Variants in CNNM2 observed in about 807,000 individuals in gnomAD.
The protein encoded by CNNM2 is cyclin and CBS domain divalent metal cation transport mediator 2.
Under a neutral mutation model 66.9 loss-of-function variants are expected in CNNM2, and 12 were observed. The observed-to-expected ratio is 0.18, with a 90% confidence interval of 0.11 to 0.29. The LOEUF (loss-of-function observed/expected upper bound fraction) is 0.29, where lower values mean the gene tolerates loss of function less well. Among genes scored for constraint, CNNM2 ranks in the 10% least tolerant of loss-of-function variants. CNNM2 has a pLI of 1.00. For synonymous variants in CNNM2, 557 were observed against 501.8 expected (o/e 1.11, Z -1.47); for missense variants, 705 against 1,167.7 (o/e 0.60, Z 5.77).
chr10:103,050,536 CAAA>C (rs572731260), intron 2 of CNNM2, among the ~76,000 whole-genome samples: 4 of 100,116 alleles, frequency 4.0e-5, no homozygotes, highest in Admixed American at 9.9e-5. Flanking sequence ...GAGTCCACCT[CAAA>C]AAAAAAAAAA....
Position 103,031,503 on chromosome 10 carries a change from A to T in CNNM2, c.1622-18204A>T, listed in dbSNP as rs528061910. ...GGTACAAGCCCTGCATTGTATTGAG[A>T]CAGGAGTGTGTTCTAACACATCTGG... On this transcript the variant is annotated intron_variant, in intron 1 of 7. Transcript: ENST00000369878. 2.6e-5 allele frequency among the ~76,000 whole-genome samples: 4 copies of T among 152,288 alleles called. No individual in the cohort carries two copies. In the South Asian group the frequency reaches 8.3e-4, roughly 32 times the overall value.
At chr10:102,967,651 C>T (rs2134211315) in intron 1 of CNNM2, among the ~76,000 whole-genome samples, 1 of 152,332 alleles carries the variant, frequency 6.6e-6, no homozygotes, top group East Asian at 1.9e-4. Flanking sequence ...GGATATACCA[C>T]ATTCTGTTAC....
chr10:103,029,111 C>T (rs1471657580), intron 1 of CNNM2, among the ~76,000 whole-genome samples: 1 of 151,744 alleles, frequency 6.6e-6, no homozygotes, highest in Non-Finnish European at 1.5e-5. Flanking sequence ...CATGAGCCAC[C>T]GTGCCCGGCC....
intron 1 of CNNM2, among the ~76,000 whole-genome samples, chr10:102,938,993 T>A (rs1198017330): frequency 6.6e-6 from 1 of 152,158 alleles, no homozygotes; most frequent in African/African-American, 2.4e-5. Context: ...CCTTAGTTGA[T>A]TTAAGCTGAT....
chr10:103,084,592 G>A lies in CNNM2; in HGVS notation c.*7412G>A, dbSNP rs1057433448. 6.6e-6 allele frequency: 1 copy of A among 152,130 alleles called. No individual in the cohort carries two copies. Among genetic ancestry groups the A allele is most frequent in the African/African-American group, 2.4e-5 (1 of 41,420 alleles). 9.4% of individuals were successfully genotyped at this position (152,130 alleles called of 1,614,324 possible). A position where few individuals can be genotyped will look rare whatever the true frequency, so the allele number is the denominator to read the frequency against. On this transcript the variant is annotated 3_prime_UTR_variant, in exon 8 of 8. Transcript: ENST00000369878. ...TAGATGAGCCCTTAGCTCAAATCAG[G>A]AAATGCTCCAAGGAAAATGGAGGCA...
intron 1 of CNNM2, among the ~76,000 whole-genome samples, chr10:103,043,177 C>T (rs1008149975): frequency 4.6e-5 from 7 of 152,100 alleles, no homozygotes; most frequent in Non-Finnish European, 8.8e-5. Context: ...TTTCTCATGA[C>T]GGGGGTCTGT....
At chr10:102,978,202 C>A (rs1264768370) in intron 1 of CNNM2, among the ~76,000 whole-genome samples, 1 of 151,588 alleles carries the variant, frequency 6.6e-6, no homozygotes, top group Middle Eastern at 3.2e-3. Context: ...AGCCACCATG[C>A]CTGGACTTTT....
At chr10:103,031,584 TG>T (rs945075625) in intron 1 of CNNM2, among the ~76,000 whole-genome samples, 3 of 151,788 alleles carry the variant, frequency 2.0e-5, no homozygotes, top group Admixed American at 1.3e-4. Context: ...AAGTGGCTGG[TG>T]GAAAAACTTT....
At chr10:103,033,490 G>A (rs754967340) in intron 1 of CNNM2, among the ~76,000 whole-genome samples, 3 of 149,864 alleles carry the variant, frequency 2.0e-5, no homozygotes, top group Non-Finnish European at 4.4e-5. Context: ...CACCACGCCT[G>A]GACAATCTAA....
At chr10:103,003,814 G>A (rs749579740) in intron 1 of CNNM2, among the ~76,000 whole-genome samples, 2 of 151,216 alleles carry the variant, frequency 1.3e-5, no homozygotes, top group Non-Finnish European at 2.9e-5. Flanking sequence ...GTATCCCCCC[G>A]GGTAACCACT....
In CNNM2 at chr10:102,919,255, G is replaced by A; in HGVS notation, c.775G>A (p.Val259Met). Residue 259 changes from valine to methionine, a missense_variant, in exon 1 of 8, where the codon GTG becomes ATG. Val to Met is a conservative substitution (Grantham distance 21). Transcript: ENST00000369878. ...KKFLLPFWLQ[V>M]IFISLLLCLS... ...GTTCCTGCTGCCCTTCTGGCTGCAG[G>A]TGATCTTCATTTCGCTGCTGCTGTG... The A allele has an allele frequency of 6.2e-7, 1 of 1,613,798 alleles. No individual in the cohort carries two copies. The highest frequency in any genetic ancestry group is 8.5e-7 in the Non-Finnish European group (1 of 1,180,038).
At chr10:102,988,954 G>A (rs2063846843) in intron 1 of CNNM2, among the ~76,000 whole-genome samples, 1 of 152,170 alleles carries the variant, frequency 6.6e-6, no homozygotes, top group Non-Finnish European at 1.5e-5. Context: ...AACTTAAGCA[G>A]ATTAGAAGCC....
chr10:103,072,913 G>A (rs556926517), intron 6 of CNNM2, among the ~76,000 whole-genome samples: 1 of 152,366 alleles, frequency 6.6e-6, no homozygotes, highest in East Asian at 1.9e-4. Context: ...ATTGCTGGTG[G>A]TGTATGTAAC....
At chr10:103,016,397 A>G (rs1024873248) in intron 1 of CNNM2, among the ~76,000 whole-genome samples, 1 of 152,104 alleles carries the variant, frequency 6.6e-6, no homozygotes, top group Non-Finnish European at 1.5e-5. Flanking sequence ...TTTTTAAAGG[A>G]CTTATTTAAG....
intron 3 of CNNM2, 29 bp from the exon 4 acceptor site, chr10:103,056,766 G>A (rs2065303431): frequency 6.3e-7 from 1 of 1,597,306 alleles, no homozygotes; most frequent in African/African-American, 1.3e-5. Context: ...TGTTTGAAAT[G>A]TAATATCAAG....
chr10:102,931,258 A>G (rs147265591), intron 1 of CNNM2, among the ~76,000 whole-genome samples: 226 of 152,288 alleles, frequency 1.5e-3, no homozygotes, highest in Middle Eastern at 6.8e-3. Flanking sequence ...ACCTATTGCA[A>G]GTTGGCCATA....
intron 1 of CNNM2, among the ~76,000 whole-genome samples, chr10:102,982,118 T>C (rs1224665652): frequency 6.6e-6 from 1 of 152,212 alleles, no homozygotes; most frequent in East Asian, 1.9e-4. Flanking sequence ...AGAAAAAATT[T>C]AAGATATTTA....
At position 102,918,843 on chromosome 10, in the gene CNNM2, C is replaced by G. The variant is rs759523980; in HGVS notation, c.363C>G (p.Thr121=). 36 of 1,585,840 alleles carry G rather than the reference C, an allele frequency of 2.3e-5. No individual in the cohort carries two copies. Among genetic ancestry groups the G allele is most frequent in the Non-Finnish European group, 3.1e-5 (36 of 1,166,204 alleles). Residue 121 remains threonine, a synonymous_variant, in exon 1 of 8, where the codon ACC becomes ACG. Coordinates refer to ENST00000369878, the MANE Select transcript of CNNM2 (RefSeq NM_017649.5). The surrounding 1 kb of genome is among the most constrained non-coding windows in gnomAD (Gnocchi z 4.1). ...AGACGTGGTCCCGCATCGCCTTCAC[C>G]GAGCACGAGCGGCGGCGCCACAGCC... The part of the protein sequence containing the change: ...NNETWSRIAF[T]EHERRRHSPG...
In CNNM2 at chr10:103,089,442, T is replaced by TATTTTCTTCTAATAC; in HGVS notation, c.*12264_*12278dup. On this transcript the variant is annotated 3_prime_UTR_variant, in exon 8 of 8. Transcript: ENST00000369878. ...ATGCAGTTCAGCCTGATTTTACCCT[T>TATTTTCTTCTAATAC]ATTTTCTTCTAATACAGACTCCATT... The TATTTTCTTCTAATAC allele has an allele frequency of 1.8e-6, 1 of 570,508 alleles. No homozygotes were observed. The highest frequency in any genetic ancestry group is 2.7e-6 in the Non-Finnish European group (1 of 372,880). The allele number at this position is 570,508 out of a possible 1,614,324, so 35.3% of individuals were successfully genotyped here. A position where few individuals can be genotyped will look rare whatever the true frequency, so the allele number is the denominator to read the frequency against.
Sources: gnomAD v4.1 joint callset for allele counts (sites outside exome capture counted in the v4.1 genomes callset) on GRCh38, gnomAD v4.1.1 for gene constraint, Gnocchi (gnomAD v3.1) non-coding constraint, MANE v1.5 for transcripts, NCBI Gene and HGNC (gene_info 2026-07-23, HGNC 2026-07-21) for gene names.